Variants in BANK1 observed in about 807,000 individuals in gnomAD.
BANK1 encodes B-cell scaffold protein with ankyrin repeats.
A neutral mutation model predicts 94.5 loss-of-function variants in BANK1; 95 were observed. That is an observed-to-expected ratio of 1.00 (90% CI 0.85 to 1.19). The LOEUF is 1.19. Among genes scored for constraint, BANK1 ranks in the 50% most tolerant of loss-of-function variants. The pLI is 0.00. For missense variants in BANK1, 987 were observed against 932.2 expected (o/e 1.06, Z -0.77); for synonymous variants, 334 against 308.4 (o/e 1.08, Z -0.87).
intron 7 of BANK1, among the ~76,000 whole-genome samples, chr4:101,989,759 A>AT (rs1190220088): frequency 6.6e-6 from 1 of 151,910 alleles, no homozygotes; most frequent in Non-Finnish European, 1.5e-5. Flanking sequence ...CAGGTTATGT[A>AT]TTTTTTATAA....
At chr4:102,071,880 G>A (rs1728773865) in intron 14 of BANK1, among the ~76,000 whole-genome samples, 1 of 152,166 alleles carries the variant, frequency 6.6e-6, no homozygotes, top group African/African-American at 2.4e-5. Flanking sequence ...CACTGACTGT[G>A]AGAATGAAGA....
chr4:101,802,651 A>C (rs1725394195), intron 1 of BANK1, among the ~76,000 whole-genome samples: 1 of 152,220 alleles, frequency 6.6e-6, no homozygotes. Context: ...GAAATGATCT[A>C]ATGGCTGCTT....
chr4:102,034,038 T>C (rs1209866383), intron 10 of BANK1, among the ~76,000 whole-genome samples: 1 of 152,152 alleles, frequency 6.6e-6, no homozygotes, highest in African/African-American at 2.4e-5. Context: ...TTTCCTTTTT[T>C]TTTTCCCCTA....
chr4:101,956,076 TA>T (rs1724326266), intron 7 of BANK1, among the ~76,000 whole-genome samples: 1 of 152,200 alleles, frequency 6.6e-6, no homozygotes, highest in Non-Finnish European at 1.5e-5. Context: ...AAAATGCCAC[TA>T]CCCTTTTCAT....
intron 1 of BANK1, among the ~76,000 whole-genome samples, chr4:101,796,713 TAAC>T (rs756671266): frequency 2.6e-5 from 4 of 152,330 alleles, no homozygotes; most frequent in Non-Finnish European, 4.4e-5. Flanking sequence ...TATAGATTTA[TAAC>T]AACAACGTTT....
chr4:102,061,013 T>C (rs932206989), intron 12 of BANK1, among the ~76,000 whole-genome samples: 3 of 152,190 alleles, frequency 2.0e-5, no homozygotes, highest in Admixed American at 1.3e-4. Context: ...AACACGGTCA[T>C]ATTCCCATAT....
intron 7 of BANK1, among the ~76,000 whole-genome samples, chr4:101,999,197 A>G (rs1263146151): frequency 6.6e-6 from 1 of 152,126 alleles, no homozygotes; most frequent in Non-Finnish European, 1.5e-5. Flanking sequence ...ACTCAGTTGA[A>G]TACTCTCAAT....
intron 7 of BANK1, among the ~76,000 whole-genome samples, chr4:101,999,637 AACTTTTAAAGC>A (rs2148935791): frequency 6.6e-6 from 1 of 152,342 alleles, no homozygotes; most frequent in Non-Finnish European, 1.5e-5. Flanking sequence ...ACATTGTTTG[AACTTTTAAAGC>A]AGCTTACAGT....
At chr4:101,900,000 T>C (rs2148892807) in intron 6 of BANK1, among the ~76,000 whole-genome samples, 1 of 152,312 alleles carries the variant, frequency 6.6e-6, no homozygotes, top group East Asian at 1.9e-4. Context: ...TATAATCCCC[T>C]CTCAGCCCAA....
At chr4:102,048,758 A>G (rs1464406217) in intron 11 of BANK1, among the ~76,000 whole-genome samples, 1 of 152,190 alleles carries the variant, frequency 6.6e-6, no homozygotes, top group African/African-American at 2.4e-5. Flanking sequence ...AAGTGCACTA[A>G]GTTTAAGACT....
At position 101,862,649 on chromosome 4, in the gene BANK1, T is replaced by C; in HGVS notation, c.748T>C (p.Cys250Arg). Residue 250 changes from cysteine (C) to arginine (R), a missense_variant, in exon 4 of 17, where the codon TGC becomes CGC. Coordinates refer to ENST00000322953, the MANE Select transcript of BANK1 (RefSeq NM_017935.5). ...AGCCCTTTGGAATAAGAAAGTCTGG[T>C]GCATGAAAGCTTTAGGTAAGAATGT... ...RPALWNKKVW[C>R]MKALEFPAGS... is the part of the protein sequence containing the mutation. 1.9e-6 allele frequency: 3 copies of C among 1,604,470 alleles called. No homozygotes were observed. Among genetic ancestry groups the C allele is most frequent in the Non-Finnish European group, 8.5e-7 (1 of 1,176,302 alleles).
intron 2 of BANK1, among the ~76,000 whole-genome samples, chr4:101,851,218 CT>C (rs1205983897): frequency 2.0e-5 from 3 of 152,198 alleles, no homozygotes; most frequent in African/African-American, 7.2e-5. Flanking sequence ...AGCAAAACAA[CT>C]TTATTGCTGA....
chr4:101,924,026 C>T (rs1379618516), intron 7 of BANK1, among the ~76,000 whole-genome samples: 1 of 151,646 alleles, frequency 6.6e-6, no homozygotes, highest in Non-Finnish European at 1.5e-5. Flanking sequence ...TAAGAAAATA[C>T]TTGATTTTTA....
chr4:101,855,459 C>T (rs1483484181), intron 3 of BANK1, among the ~76,000 whole-genome samples: 1 of 152,160 alleles, frequency 6.6e-6, no homozygotes, highest in Non-Finnish European at 1.5e-5. Flanking sequence ...CTGCTTTGTT[C>T]ATGGCTATCC....
chr4:101,997,906 C>T (rs985500746), intron 7 of BANK1, among the ~76,000 whole-genome samples: 4 of 151,788 alleles, frequency 2.6e-5, no homozygotes, highest in African/African-American at 9.7e-5. Flanking sequence ...TTTTTTGTGC[C>T]TCTATCTCCT....
chr4:101,800,385 T>A (rs1403890512), intron 1 of BANK1, among the ~76,000 whole-genome samples: 1 of 152,176 alleles, frequency 6.6e-6, no homozygotes, highest in Non-Finnish European at 1.5e-5. Flanking sequence ...CTCTCCTCTT[T>A]CCTTTTTTCT....
At chr4:101,870,258 G>A (rs1728234497) in intron 4 of BANK1, among the ~76,000 whole-genome samples, 1 of 151,884 alleles carries the variant, frequency 6.6e-6, no homozygotes, top group South Asian at 2.1e-4. Context: ...ATAATTTAGT[G>A]CTTTACTTTT....
chr4:101,883,525 T>TG (rs1728749266), intron 5 of BANK1, among the ~76,000 whole-genome samples: 1 of 152,200 alleles, frequency 6.6e-6, no homozygotes, highest in Admixed American at 6.5e-5. Context: ...TATCACTCAG[T>TG]GGCAATGAAT....
chr4:101,846,660 G>C (rs575339729), intron 2 of BANK1, among the ~76,000 whole-genome samples: 1 of 152,184 alleles, frequency 6.6e-6, no homozygotes, highest in East Asian at 1.9e-4. Flanking sequence ...GAGATAGAGA[G>C]GGCAGGGGAA....
Sources: gnomAD v4.1 joint callset for allele counts (sites outside exome capture counted in the v4.1 genomes callset) on GRCh38, gnomAD v4.1.1 for gene constraint, MANE v1.5 for transcripts, NCBI Gene and HGNC (gene_info 2026-07-23, HGNC 2026-07-21) for gene names.